The following GRIA1 variants were observed in gnomAD, a reference collection of about 807,000 sequenced individuals.
GRIA1 encodes glutamate receptor 1.
A neutral mutation model predicts 99.2 loss-of-function variants in GRIA1; 31 were observed. That is an observed-to-expected ratio of 0.31 (90% CI 0.23 to 0.42). The LOEUF is 0.42. GRIA1 is among the 10% of genes least tolerant of loss of function. The pLI, the probability that GRIA1 is intolerant of heterozygous loss-of-function variation, is 1.00. For synonymous variants in GRIA1, 438 were observed against 432.4 expected, an observed-to-expected ratio of 1.01 and a Z score of -0.16; for missense variants, 782 against 1,157.5, an observed-to-expected ratio of 0.68 and a Z score of 4.71.
chr5:153,539,774 C>G (rs1758898595), intron 2 of GRIA1, among the ~76,000 whole-genome samples: 1 of 152,156 alleles, frequency 6.6e-6, no homozygotes, highest in Non-Finnish European at 1.5e-5. Context: ...TATCATTTGT[C>G]CAGTTGACCA....
chr5:153,749,764 T>C (rs1272319778), intron 11 of GRIA1, among the ~76,000 whole-genome samples: 2 of 151,628 alleles, frequency 1.3e-5, no homozygotes, highest in African/African-American at 4.9e-5. Context: ...AAAGAATGAA[T>C]GAATGAATAA....
intron 4 of GRIA1, among the ~76,000 whole-genome samples, chr5:153,652,201 C>T (rs1027265455): frequency 6.6e-6 from 1 of 152,084 alleles, no homozygotes; most frequent in East Asian, 1.9e-4. Context: ...TGAATGAAGG[C>T]CTCTGTTCTA....
At chr5:153,774,498 T>C (rs566209743) in intron 13 of GRIA1, among the ~76,000 whole-genome samples, 2 of 152,330 alleles carry the variant, frequency 1.3e-5, no homozygotes, top group African/African-American at 4.8e-5. Flanking sequence ...CCAGGTATTA[T>C]TATAAACTTC....
intron 10 of GRIA1, among the ~76,000 whole-genome samples, chr5:153,701,116 C>T (rs915721076): frequency 6.6e-6 from 1 of 152,196 alleles, no homozygotes; most frequent in Non-Finnish European, 1.5e-5. Flanking sequence ...TTATCTTCAC[C>T]TTCACCTCAT....
intron 13 of GRIA1, among the ~76,000 whole-genome samples, chr5:153,774,531 G>T (rs1243327361): frequency 4.6e-5 from 7 of 152,298 alleles, no homozygotes; most frequent in African/African-American, 1.4e-4. Flanking sequence ...TCAAAGGTAG[G>T]GTTTTTGCAG....
intron 9 of GRIA1, among the ~76,000 whole-genome samples, chr5:153,698,500 T>C (rs1339685365): frequency 2.0e-5 from 3 of 152,178 alleles, no homozygotes; most frequent in African/African-American, 7.2e-5. Flanking sequence ...ATAAAGTAGC[T>C]GTAAGTGAAG....
At chr5:153,778,741 A>G (rs933453981) in intron 13 of GRIA1, among the ~76,000 whole-genome samples, 2 of 152,066 alleles carry the variant, frequency 1.3e-5, no homozygotes, top group Non-Finnish European at 2.9e-5. Flanking sequence ...TACAAATAAG[A>G]AAACAGGTTA....
intron 5 of GRIA1, among the ~76,000 whole-genome samples, chr5:153,670,256 T>C (rs949437221): frequency 2.6e-5 from 4 of 152,166 alleles, no homozygotes; most frequent in Admixed American, 1.3e-4. Context: ...AGTGACCTAA[T>C]AGCCCTAGGA....
At chr5:153,677,330 T>TA (rs369541225) in intron 7 of GRIA1, among the ~76,000 whole-genome samples, 169 bp downstream of exon 7, 16,140 of 149,578 alleles carry the variant, frequency 0.11, 1,073 homozygotes, top group African/African-American at 0.19. Context: ...GAAGCTCATA[T>TA]AAAAAAAAAA....
chr5:153,802,139 T>C (rs928679461), intron 14 of GRIA1, among the ~76,000 whole-genome samples: 1 of 152,110 alleles, frequency 6.6e-6, no homozygotes, highest in Non-Finnish European at 1.5e-5. Flanking sequence ...TCAGGGAGGC[T>C]TGGAAAATGT....
At chr5:153,691,956 G>A (rs892345795) in intron 8 of GRIA1, among the ~76,000 whole-genome samples, 2 of 152,106 alleles carry the variant, frequency 1.3e-5, no homozygotes, top group African/African-American at 4.8e-5. Context: ...TATACAACAT[G>A]GCCCTCAGAG....
chr5:153,762,495 G>A (rs1763250255), intron 11 of GRIA1, among the ~76,000 whole-genome samples: 1 of 152,186 alleles, frequency 6.6e-6, no homozygotes, highest in Non-Finnish European at 1.5e-5. Context: ...TTGTGCACTG[G>A]TTCTGGGGCA....
At chr5:153,773,132 T>A (rs543203871) in intron 13 of GRIA1, among the ~76,000 whole-genome samples, 1 of 152,238 alleles carries the variant, frequency 6.6e-6, no homozygotes, top group Non-Finnish European at 1.5e-5. Context: ...TAAGTGCCAC[T>A]CACCGTGGTA....
chr5:153,502,662 C>T (rs1452513870), intron 2 of GRIA1, among the ~76,000 whole-genome samples: 1 of 152,140 alleles, frequency 6.6e-6, no homozygotes, highest in Non-Finnish European at 1.5e-5. Flanking sequence ...CCAGAAAGCA[C>T]AGGGGAGCCC....
chr5:153,516,343 G>A (rs1055197660), intron 2 of GRIA1, among the ~76,000 whole-genome samples: 3 of 151,386 alleles, frequency 2.0e-5, no homozygotes, highest in South Asian at 2.1e-4. Context: ...ACCCATGCTT[G>A]GAGTCTCAGG....
intron 2 of GRIA1, among the ~76,000 whole-genome samples, chr5:153,536,354 C>G (rs1483025820): frequency 6.6e-6 from 1 of 152,132 alleles, no homozygotes; most frequent in Non-Finnish European, 1.5e-5. Flanking sequence ...TCTCCCACCC[C>G]TACCTCCACA....
chr5:153,589,562 C>T (rs978598880), intron 2 of GRIA1, among the ~76,000 whole-genome samples: 7 of 152,092 alleles, frequency 4.6e-5, no homozygotes, highest in African/African-American at 1.7e-4. Context: ...GATTCAAGTG[C>T]TCTAACATGT....
intron 2 of GRIA1, among the ~76,000 whole-genome samples, chr5:153,597,057 G>A (rs1035294538): frequency 6.6e-6 from 1 of 152,332 alleles, no homozygotes; most frequent in East Asian, 1.9e-4. Context: ...ATGAAGCAGA[G>A]AGAGCAAGCA....
intron 2 of GRIA1, among the ~76,000 whole-genome samples, chr5:153,555,934 G>A (rs2149346717): frequency 6.6e-6 from 1 of 152,356 alleles, no homozygotes; most frequent in African/African-American, 2.4e-5. Flanking sequence ...AAACTGGAAT[G>A]ATGGTATTGA....
Sources: allele counts gnomAD v4.1 joint callset (sites outside exome capture counted in the v4.1 genomes callset), GRCh38; gene constraint gnomAD v4.1.1; transcripts MANE v1.5; gene names NCBI Gene and HGNC (gene_info 2026-07-23, HGNC 2026-07-21).